OR1D2: variants seen among roughly 807,000 people sequenced by gnomAD.
OR1D2 encodes olfactory receptor 1D2.
For synonymous variants in OR1D2, 157 were observed against 153.9 expected (o/e 1.02, Z -0.15); for missense variants, 357 against 376.1 (o/e 0.95, Z 0.42).
In OR1D2 at chr17:3,090,006, T is replaced by C. The variant is rs969956211; in HGVS notation, c.*2052A>G. 2 of 152,246 alleles carry C rather than the reference T, an allele frequency of 1.3e-5. No homozygotes were observed. The highest frequency in any genetic ancestry group is 6.5e-5 in the Admixed American group (1 of 15,288). 9.4% of individuals were successfully genotyped at this position (152,246 alleles called of 1,614,324 possible). On this transcript the variant is annotated 3_prime_UTR_variant, in exon 2 of 2. Coordinates refer to ENST00000641833, the MANE Select transcript of OR1D2 (RefSeq NM_002548.3). ...CAAGCAGCACTTTCAGGTTTCTGTT[T>C]TCCTGCCTGTGGTGGCTGCTGTGAA...
Position 3,091,059 on chromosome 17 carries a change from G to A in OR1D2, c.*999C>T, listed in dbSNP as rs2047804326. 1 of 152,128 alleles carries A rather than the reference G, an allele frequency of 6.6e-6. No individual in the cohort carries two copies. Among genetic ancestry groups the A allele is most frequent in the Non-Finnish European group, 1.5e-5 (1 of 68,022 alleles). The allele number at this position is 152,128 out of a possible 1,614,324, so 9.4% of individuals were successfully genotyped here. A position where few individuals can be genotyped will look rare whatever the true frequency, so the allele number is the denominator to read the frequency against. On this transcript the variant is annotated 3_prime_UTR_variant, in exon 2 of 2. Transcript: ENST00000641833. ...GGGGTGATTCAGGTAATGTGACAGA[G>A]TTTTTTCTACAATGTTCAATATGGT...
chr17:3,096,210 A>G lies in OR1D2; in HGVS notation c.-50-3164T>C, dbSNP rs189921232. On this transcript the variant is annotated intron_variant, in intron 1 of 1. Coordinates refer to ENST00000641833, the MANE Select transcript of OR1D2 (RefSeq NM_002548.3). ...GGGACACATAGAAAACACAAAGTAA[A>G]ATGGGAGACATAAATCTAACTATAT... 5.3e-5 allele frequency among the ~76,000 whole-genome samples: 8 copies of G among 152,330 alleles called. No individual in the cohort carries two copies. In the East Asian group the frequency reaches 1.5e-3, roughly 29 times the overall value.
rs139041522 is a variant in OR1D2, at chr17:3,097,544, A to C, written c.-50-4498T>G. Among the ~76,000 whole-genome samples the C allele has an allele frequency of 1.2e-4, 19 of 152,286 alleles. 1 individual carries two copies. In the East Asian group the frequency reaches 3.5e-3, roughly 28 times the overall value. On this transcript the variant is annotated intron_variant, in intron 1 of 1. Transcript: ENST00000641833. ...TTTCCATGGAACTCTGCAACCCACAAATCAGAAGATTCCACTGGTGAACCC... is the reference window on the plus strand; with the variant it reads ...TTTCCATGGAACTCTGCAACCCACACATCAGAAGATTCCACTGGTGAACCC...
At position 3,090,820 on chromosome 17, in the gene OR1D2, A is replaced by AT. The variant is rs548903654; in HGVS notation, c.*1237dup. 0.16 allele frequency: 22,897 copies of AT among 142,812 alleles called. 1,979 individuals are homozygous for AT. Among genetic ancestry groups the AT allele is most frequent in the African/African-American group, 0.23 (8,859 of 38,876 alleles). The allele number at this position is 142,812 out of a possible 1,614,324, so 8.8% of individuals were successfully genotyped here. On this transcript the variant is annotated 3_prime_UTR_variant, in exon 2 of 2. Transcript: ENST00000641833. ...ATTAAGAGCTCCCAACCATTTTCTTATTTTTTTTTTTTCTTGTTCTTAGCT... is the reference window on the plus strand; with the variant it reads ...ATTAAGAGCTCCCAACCATTTTCTTATTTTTTTTTTTTTCTTGTTCTTAGCT...
chr17:3,103,886 G>C (rs1481276794), intron 1 of OR1D2, among the ~76,000 whole-genome samples: 1 of 152,114 alleles, frequency 6.6e-6, no homozygotes, highest in Non-Finnish European at 1.5e-5. Flanking sequence ...AGAATTACAT[G>C]CAACAGAGAA....
At chr17:3,096,497 C>T (rs919522778) in intron 1 of OR1D2, among the ~76,000 whole-genome samples, 1 of 152,180 alleles carries the variant, frequency 6.6e-6, no homozygotes, top group Admixed American at 6.5e-5. Context: ...CCTGGTGGCC[C>T]ATGCCTGTTA....
rs2047865979 is a variant in OR1D2, at chr17:3,099,719, AC to A, written c.-51+4379del. Among the ~76,000 whole-genome samples, 11 of 152,328 alleles carry A rather than the reference AC, an allele frequency of 7.2e-5. No homozygotes were observed. The South Asian group carries it at 2.3e-3, about 32-fold the overall frequency. ...GGGCTAAATGCCCCAATTAAAAGAC[AC>A]AGGTGGCCAATTTGGATAAAGAGTC... On this transcript the variant is annotated intron_variant, in intron 1 of 1. Transcript: ENST00000641833.
intron 1 of OR1D2, among the ~76,000 whole-genome samples, chr17:3,095,987 A>C (rs1224686905): frequency 6.6e-6 from 1 of 152,194 alleles, no homozygotes; most frequent in African/African-American, 2.4e-5. Context: ...ATCATTTTCT[A>C]TATATCATTG....
intron 1 of OR1D2, among the ~76,000 whole-genome samples, chr17:3,095,114 G>A (rs1457124757): frequency 6.6e-6 from 1 of 151,962 alleles, no homozygotes; most frequent in Non-Finnish European, 1.5e-5. Context: ...AAGAATGGCT[G>A]AAAACGTAGT....
chr17:3,102,103 G>A (rs2047877376), intron 1 of OR1D2, among the ~76,000 whole-genome samples: 1 of 152,042 alleles, frequency 6.6e-6, no homozygotes, highest in Admixed American at 6.6e-5. Context: ...GCAATGTTTT[G>A]GAAAACCAGC....
intron 1 of OR1D2, among the ~76,000 whole-genome samples, chr17:3,094,856 CAG>C (rs1271945512): frequency 8.6e-5 from 13 of 151,982 alleles, no homozygotes; most frequent in African/African-American, 3.1e-4. Flanking sequence ...GGAAATCCTG[CAG>C]TCAAAATGTA....
At chr17:3,096,541 T>C (rs370897305) in intron 1 of OR1D2, among the ~76,000 whole-genome samples, 5 of 152,340 alleles carry the variant, frequency 3.3e-5, no homozygotes, top group East Asian at 1.9e-4. Flanking sequence ...GGTAGGAGAA[T>C]GGCTTGAGGC....
Position 3,092,582 on chromosome 17 carries a change from T to C in OR1D2, c.415A>G (p.Lys139Glu), listed in dbSNP as rs61736107. ...AAGGAAAGGAGTAAGATACAGAGCT[T>C]AGGGCTCATGGCTGTGGTGTAGTGG... ...PLHYTTAMSP[K>E]LCILLLSLCW... is the part of the protein sequence containing the mutation. Residue 139 changes from lysine to glutamate, a missense_variant, in exon 2 of 2, where the codon AAG becomes GAG. Lys to Glu is a moderately conservative substitution (Grantham distance 56). Coordinates refer to ENST00000641833, the MANE Select transcript of OR1D2 (RefSeq NM_002548.3). 6.2e-7 allele frequency: 1 copy of C among 1,613,834 alleles called. No individual in the cohort carries two copies. Among genetic ancestry groups the C allele is most frequent in the South Asian group, 1.1e-5 (1 of 91,058 alleles).
chr17:3,099,810 A>C (rs964084233), intron 1 of OR1D2, among the ~76,000 whole-genome samples: 4 of 152,166 alleles, frequency 2.6e-5, no homozygotes, highest in African/African-American at 9.7e-5. Context: ...ATAGGCTCAA[A>C]ATAAAGGGAT....
At chr17:3,095,792 A>C (rs1237267406) in intron 1 of OR1D2, among the ~76,000 whole-genome samples, 2 of 152,228 alleles carry the variant, frequency 1.3e-5, no homozygotes, top group East Asian at 3.9e-4. Flanking sequence ...CATAGCATAT[A>C]GAAATATATG....
intron 1 of OR1D2, among the ~76,000 whole-genome samples, chr17:3,095,986 T>C (rs2047843157): frequency 6.6e-6 from 1 of 152,182 alleles, no homozygotes; most frequent in African/African-American, 2.4e-5. Context: ...AATCATTTTC[T>C]ATATATCATT....
intron 1 of OR1D2, 27 bp downstream of exon 1, chr17:3,104,072 A>C (rs2047886191): frequency 6.6e-6 from 1 of 152,266 alleles, no homozygotes; most frequent in South Asian, 2.1e-4. Context: ...AAGAGGGAGA[A>C]AGAGCATGAG....
intron 1 of OR1D2, among the ~76,000 whole-genome samples, chr17:3,102,264 G>T (rs1191754800): frequency 6.6e-6 from 1 of 152,132 alleles, no homozygotes; most frequent in Non-Finnish European, 1.5e-5. Flanking sequence ...TTGGGGTGGG[G>T]TGAGGGTATA....
chr17:3,097,491 A>ACC (rs1218107685), intron 1 of OR1D2, among the ~76,000 whole-genome samples: 44 of 152,334 alleles, frequency 2.9e-4, no homozygotes, highest in African/African-American at 1.0e-3. Flanking sequence ...GTGAGTGAGC[A>ACC]TGCTACCCAG....
Sources: allele counts gnomAD v4.1 joint callset (sites outside exome capture counted in the v4.1 genomes callset), GRCh38; gene constraint gnomAD v4.1.1; transcripts MANE v1.5; gene names NCBI Gene and HGNC (gene_info 2026-07-23, HGNC 2026-07-21).